The following ROBO1 variants were observed in gnomAD, a reference collection of about 807,000 sequenced individuals.
ROBO1 encodes the protein roundabout guidance receptor 1, also known as roundabout homolog 1.
ROBO1 carries 149 observed loss-of-function variants against 195.9 expected under a neutral mutation model. The ratio of observed to expected loss-of-function variants is 0.76; its 90% CI spans 0.67 to 0.87. The LOEUF (loss-of-function observed/expected upper bound fraction) is 0.87. ROBO1 is among the 40% of genes least tolerant of loss of function. ROBO1 has a pLI of 0.00. For missense variants in ROBO1, 1,933 were observed against 2,068.3 expected, an observed-to-expected ratio of 0.93 and a Z score of 1.27; for synonymous variants, 816 against 733.2, an observed-to-expected ratio of 1.11 and a Z score of -1.82.
Position 78,876,911 on chromosome 3 carries a change from T to C in ROBO1, c.499+61690A>G, listed in dbSNP as rs139187348. 2.5e-3 allele frequency among the ~76,000 whole-genome samples: 380 copies of C among 152,256 alleles called. 2 individuals are homozygous for C. Among genetic ancestry groups the C allele is most frequent in the African/African-American group, 8.6e-3 (357 of 41,580 alleles). On this transcript the variant is annotated intron_variant, in intron 4 of 30. Coordinates refer to ENST00000464233, the MANE Select transcript of ROBO1 (RefSeq NM_002941.4). ...CTATTTGAACTATTAAGACCCTTTA[T>C]TCAAAGTGTAATAACATCATTTGGG...
chr3:79,308,752 G>A (rs934323757), intron 2 of ROBO1, among the ~76,000 whole-genome samples: 3 of 152,052 alleles, frequency 2.0e-5, no homozygotes, highest in African/African-American at 7.2e-5. Flanking sequence ...TAACATCTTG[G>A]ACTTATCTTC....
chr3:79,071,207 T>TA (rs2108435940), intron 3 of ROBO1, among the ~76,000 whole-genome samples: 1 of 151,998 alleles, frequency 6.6e-6, no homozygotes, highest in African/African-American at 2.4e-5. Context: ...GATATGCCCA[T>TA]TAATCTATCA....
At chr3:79,162,594 G>A (rs868572547) in intron 2 of ROBO1, among the ~76,000 whole-genome samples, 3 of 152,066 alleles carry the variant, frequency 2.0e-5, no homozygotes, top group South Asian at 4.1e-4. Flanking sequence ...CTTGTTAAGG[G>A]TTTTAGATTT....
intron 2 of ROBO1, among the ~76,000 whole-genome samples, chr3:79,137,687 G>A (rs1401443131): frequency 6.6e-6 from 1 of 152,028 alleles, no homozygotes; most frequent in Admixed American, 6.6e-5. Context: ...GAATCTCAGA[G>A]TACTTTTGCT....
At chr3:79,164,332 G>A (rs1293760970) in intron 2 of ROBO1, among the ~76,000 whole-genome samples, 6 of 152,140 alleles carry the variant, frequency 3.9e-5, no homozygotes, top group African/African-American at 1.4e-4. Context: ...AGTTGCTTGA[G>A]AAGGAAATCT....
Position 79,007,761 on chromosome 3 carries a change from C to G in ROBO1, c.173-68834G>C, listed in dbSNP as rs140336268. Reference sequence around the variant, plus strand: ...TAACAACTGCATTATTTTTTATGGTCTAAATATAAGCTCACTCAGAGATCA... The same window carrying G: ...TAACAACTGCATTATTTTTTATGGTGTAAATATAAGCTCACTCAGAGATCA... On this transcript the variant is annotated intron_variant, in intron 3 of 30. Transcript: ENST00000464233. Among the ~76,000 whole-genome samples, 1,054 of 152,240 alleles carry G rather than the reference C, an allele frequency of 6.9e-3. 6 individuals carry two copies. Among genetic ancestry groups the G allele is most frequent in the Non-Finnish European group, 0.012 (802 of 68,016 alleles).
At chr3:78,855,462 C>A (rs2034356410) in intron 4 of ROBO1, among the ~76,000 whole-genome samples, 1 of 152,186 alleles carries the variant, frequency 6.6e-6, no homozygotes, top group African/African-American at 2.4e-5. Context: ...ACCAGTGCCA[C>A]AATACCTGGA....
intron 2 of ROBO1, among the ~76,000 whole-genome samples, chr3:79,388,253 G>C (rs2036826887): frequency 6.6e-6 from 1 of 152,016 alleles, no homozygotes; most frequent in South Asian, 2.1e-4. Flanking sequence ...GCTATGAAAG[G>C]GGAACATTCA....
intron 8 of ROBO1, among the ~76,000 whole-genome samples, chr3:78,708,845 A>G (rs2081613564): frequency 6.6e-6 from 1 of 152,192 alleles, no homozygotes; most frequent in African/African-American, 2.4e-5. Context: ...ATGAAACACC[A>G]CTTCAGTGAA....
At chr3:78,947,862 A>C (rs893451438) in intron 3 of ROBO1, among the ~76,000 whole-genome samples, 3 of 152,200 alleles carry the variant, frequency 2.0e-5, no homozygotes, top group Non-Finnish European at 4.4e-5. Context: ...TCCCACAGAA[A>C]CACAAACTAC....
intron 2 of ROBO1, among the ~76,000 whole-genome samples, chr3:79,502,052 G>C (rs1185399727): frequency 6.6e-6 from 1 of 152,220 alleles, no homozygotes; most frequent in Non-Finnish European, 1.5e-5. Context: ...AATGAGGCTA[G>C]CAAAGCCCAC....
At chr3:79,406,904 ATTTCTT>A (rs1226659208) in intron 2 of ROBO1, among the ~76,000 whole-genome samples, 3 of 151,662 alleles carry the variant, frequency 2.0e-5, no homozygotes, top group Admixed American at 1.3e-4. Context: ...TTACCAACAC[ATTTCTT>A]TTTCTTTTTC....
intron 3 of ROBO1, among the ~76,000 whole-genome samples, chr3:78,949,371 T>C (rs1336666279): frequency 9.6e-5 from 13 of 135,118 alleles, no homozygotes; most frequent in African/African-American, 3.6e-4. Context: ...TCTACAACTA[T>C]CTGATCTTTG....
chr3:79,059,597 C>T (rs1293981447), intron 3 of ROBO1, among the ~76,000 whole-genome samples: 1 of 152,050 alleles, frequency 6.6e-6, no homozygotes, highest in Admixed American at 6.6e-5. Flanking sequence ...ATTTCATGGA[C>T]ATTCATTAGT....
chr3:78,927,726 C>T (rs1401915761), intron 4 of ROBO1, among the ~76,000 whole-genome samples: 6 of 152,146 alleles, frequency 3.9e-5, no homozygotes, highest in South Asian at 4.1e-4. Context: ...TGTCATAAAA[C>T]ACAGACCATG....
At chr3:79,551,524 A>G (rs1942511814) in intron 2 of ROBO1, among the ~76,000 whole-genome samples, 2 of 152,166 alleles carry the variant, frequency 1.3e-5, no homozygotes, top group South Asian at 4.1e-4. Flanking sequence ...CTTTTATTTA[A>G]GAATGAAAAG....
At chr3:79,539,481 T>C (rs1335845113) in intron 2 of ROBO1, among the ~76,000 whole-genome samples, 1 of 152,238 alleles carries the variant, frequency 6.6e-6, no homozygotes, top group Non-Finnish European at 1.5e-5. Flanking sequence ...TCTTTTGCTA[T>C]ACAAATATGC....
intron 2 of ROBO1, among the ~76,000 whole-genome samples, chr3:79,361,010 T>C (rs2035748041): frequency 6.6e-6 from 1 of 152,108 alleles, no homozygotes; most frequent in Admixed American, 6.5e-5. Context: ...CAGTTAATTC[T>C]GATTAAAACT....
chr3:79,572,847 CG>C (rs1943324873), intron 2 of ROBO1, among the ~76,000 whole-genome samples: 1 of 152,022 alleles, frequency 6.6e-6, no homozygotes, highest in Admixed American at 6.6e-5. Flanking sequence ...AGGCCTCGTA[CG>C]TTTTTAAATC....
Sources: gnomAD v4.1 joint callset for allele counts (sites outside exome capture counted in the v4.1 genomes callset) on GRCh38, gnomAD v4.1.1 for gene constraint, MANE v1.5 for transcripts, NCBI Gene and HGNC (gene_info 2026-07-23, HGNC 2026-07-21) for gene names.